The following ZNF385D variants were observed in gnomAD, a reference collection of about 807,000 sequenced individuals.
The protein encoded by ZNF385D is zinc finger protein 659.
A neutral mutation model predicts 35.8 loss-of-function variants in ZNF385D; 15 were observed. The ratio of observed to expected loss-of-function variants is 0.42; its 90% CI spans 0.28 to 0.64. The LOEUF (loss-of-function observed/expected upper bound fraction) is 0.64. Ranked by LOEUF, ZNF385D falls within the 30% of genes least tolerant of loss-of-function variation. The probability of loss-of-function intolerance (pLI) is 0.23; values close to 1 mark genes in which losing one functional copy is unlikely to be tolerated. For missense variants in ZNF385D, 474 were observed against 494.6 expected (o/e 0.96, Z 0.39); for synonymous variants, 212 against 186.8 (o/e 1.13, Z -1.10).
At chr3:22,313,070 T>C (rs535735160) in intron 2 of ZNF385D, among the ~76,000 whole-genome samples, 1 of 152,036 alleles carries the variant, frequency 6.6e-6, no homozygotes, top group East Asian at 1.9e-4. Flanking sequence ...TATGCAGCCA[T>C]AAAAAATGAT....
intron 3 of ZNF385D, among the ~76,000 whole-genome samples, chr3:22,021,812 G>A (rs1697239282): frequency 6.6e-6 from 1 of 152,030 alleles, no homozygotes; most frequent in Non-Finnish European, 1.5e-5. Flanking sequence ...GGAGCTTCAG[G>A]AATTACTGAT....
intron 3 of ZNF385D, among the ~76,000 whole-genome samples, chr3:21,998,996 T>C (rs532095318): frequency 6.6e-6 from 1 of 152,326 alleles, no homozygotes; most frequent in East Asian, 1.9e-4. Context: ...CCAATTGAGA[T>C]AGTTTACTTG....
chr3:21,824,848 C>T (rs538822111), intron 3 of ZNF385D, among the ~76,000 whole-genome samples: 20 of 152,240 alleles, frequency 1.3e-4, no homozygotes, highest in African/African-American at 4.3e-4. Flanking sequence ...TGTTTTTACA[C>T]CATAGGGAAA....
intron 3 of ZNF385D, among the ~76,000 whole-genome samples, chr3:22,049,963 C>T (rs1399925948): frequency 7.2e-5 from 11 of 152,020 alleles, no homozygotes; most frequent in Admixed American, 7.2e-4. Context: ...GTTTTCTTTC[C>T]TTGTAAAATG....
intron 3 of ZNF385D, among the ~76,000 whole-genome samples, chr3:21,889,132 A>G (rs1466819502): frequency 6.6e-6 from 1 of 152,228 alleles, no homozygotes; most frequent in East Asian, 1.9e-4. Context: ...TGACACTGAA[A>G]TAGACAACAG....
intron 3 of ZNF385D, among the ~76,000 whole-genome samples, chr3:22,104,549 C>G (rs1702109289): frequency 6.6e-6 from 1 of 151,442 alleles, no homozygotes; most frequent in Admixed American, 6.6e-5. Context: ...TTTTTTTTTG[C>G]CGCGTTGTGT....
intron 3 of ZNF385D, among the ~76,000 whole-genome samples, chr3:21,815,458 G>C (rs2073105579): frequency 6.6e-6 from 1 of 152,172 alleles, no homozygotes; most frequent in Non-Finnish European, 1.5e-5. Flanking sequence ...AAGAAGAAAA[G>C]AGAGAAGAAT....
At chr3:21,868,689 A>G (rs1015415343) in intron 3 of ZNF385D, among the ~76,000 whole-genome samples, 2 of 152,166 alleles carry the variant, frequency 1.3e-5, no homozygotes, top group Non-Finnish European at 1.5e-5. Flanking sequence ...CAGCAATTAA[A>G]CATGTAAAGC....
chr3:22,047,569 G>C (rs1475996810), intron 3 of ZNF385D, among the ~76,000 whole-genome samples: 1 of 152,070 alleles, frequency 6.6e-6, no homozygotes, highest in African/African-American at 2.4e-5. Flanking sequence ...TGTTATAAAT[G>C]ACAGGATTTC....
chr3:21,449,161 C>G (rs1043047783), intron 4 of ZNF385D, among the ~76,000 whole-genome samples: 8 of 151,368 alleles, frequency 5.3e-5, no homozygotes, highest in Non-Finnish European at 1.0e-4. Flanking sequence ...TATTTTACGG[C>G]AGAGTTATAT....
intron 3 of ZNF385D, chr3:21,961,339 A>G (rs1702581411): frequency 6.6e-6 from 1 of 152,140 alleles, no homozygotes; most frequent in Admixed American, 6.5e-5. Context: ...AATTTGGCCA[A>G]TTTTATGTGG....
intron 3 of ZNF385D, among the ~76,000 whole-genome samples, chr3:21,989,101 A>G (rs1473376878): frequency 6.6e-6 from 1 of 151,980 alleles, no homozygotes; most frequent in Non-Finnish European, 1.5e-5. Context: ...GAAATGCAGA[A>G]ATCACCCGTC....
chr3:21,820,497 A>AT (rs1294817316), intron 3 of ZNF385D, among the ~76,000 whole-genome samples: 1 of 151,876 alleles, frequency 6.6e-6, no homozygotes, highest in Non-Finnish European at 1.5e-5. Flanking sequence ...AAATGCTTGT[A>AT]TTTTAAAAAA....
chr3:22,001,930 G>A (rs932163558), intron 3 of ZNF385D, among the ~76,000 whole-genome samples: 9 of 151,794 alleles, frequency 5.9e-5, no homozygotes, highest in Non-Finnish European at 1.0e-4. Flanking sequence ...TAAATCCTAT[G>A]CAATACAACA....
intron 4 of ZNF385D, among the ~76,000 whole-genome samples, chr3:21,447,234 G>A (rs577380651): frequency 4.6e-4 from 70 of 152,154 alleles, no homozygotes; most frequent in African/African-American, 1.7e-3. Context: ...AAAGGAAAAG[G>A]AAGACAAAAA....
chr3:22,294,853 GT>G (rs1702484800), intron 2 of ZNF385D, among the ~76,000 whole-genome samples: 1 of 152,038 alleles, frequency 6.6e-6, no homozygotes, highest in Non-Finnish European at 1.5e-5. Context: ...GCCTTAATCT[GT>G]TACCACTATT....
intron 3 of ZNF385D, among the ~76,000 whole-genome samples, chr3:22,112,106 G>A (rs1300669038): frequency 6.6e-6 from 1 of 152,096 alleles, no homozygotes; most frequent in African/African-American, 2.4e-5. Flanking sequence ...TGCAGCAAAA[G>A]CAAATAAATT....
intron 3 of ZNF385D, among the ~76,000 whole-genome samples, chr3:22,070,506 A>G (rs935301941): frequency 2.0e-5 from 3 of 152,168 alleles, no homozygotes; most frequent in African/African-American, 7.2e-5. Context: ...AATTTCACTT[A>G]GGAAAGTGAA....
At chr3:22,046,328 G>A (rs922913635) in intron 3 of ZNF385D, among the ~76,000 whole-genome samples, 1 of 151,838 alleles carries the variant, frequency 6.6e-6, no homozygotes, top group Non-Finnish European at 1.5e-5. Flanking sequence ...CCTCACTATC[G>A]CTATCACTGT....
Sources: gnomAD v4.1 joint callset for allele counts (sites outside exome capture counted in the v4.1 genomes callset) on GRCh38, gnomAD v4.1.1 for gene constraint, MANE v1.5 for transcripts, NCBI Gene and HGNC (gene_info 2026-07-23, HGNC 2026-07-21) for gene names.